ROBO2: variants seen among roughly 807,000 people sequenced by gnomAD.
The protein encoded by ROBO2 is roundabout guidance receptor 2, also known as roundabout homolog 2.
ROBO2 carries 53 observed loss-of-function variants against 160.8 expected under a neutral mutation model. The ratio of observed to expected loss-of-function variants is 0.33; its 90% CI spans 0.26 to 0.41. ROBO2 has a LOEUF of 0.41. Ranked by LOEUF, ROBO2 falls within the 10% of genes least tolerant of loss-of-function variation. ROBO2 has a pLI of 1.00. For missense variants in ROBO2, 1,577 were observed against 1,722.4 expected (o/e 0.92, Z 1.49); for synonymous variants, 664 against 611.7 (o/e 1.09, Z -1.26).
chr3:76,833,715 T>G (rs1272830584), intron 2 of ROBO2, among the ~76,000 whole-genome samples: 1 of 152,152 alleles, frequency 6.6e-6, no homozygotes, highest in Non-Finnish European at 1.5e-5. Context: ...TATTCTATCC[T>G]CTCGTAACTT....
At chr3:77,390,024 G>A (rs4684007) in intron 2 of ROBO2, among the ~76,000 whole-genome samples, 125,488 of 152,144 alleles carry the variant, frequency 0.82, 51,936 homozygotes, top group East Asian at 1. Flanking sequence ...TTAAACAGCA[G>A]CAACCTATGT....
chr3:76,042,662 G>GGCCC (rs1192481055), intron 2 of ROBO2, among the ~76,000 whole-genome samples: 3 of 152,002 alleles, frequency 2.0e-5, no homozygotes, highest in African/African-American at 7.3e-5. Context: ...CCCAAAACCA[G>GGCCC]ACCCAAAACC....
intron 2 of ROBO2, among the ~76,000 whole-genome samples, chr3:77,141,256 T>C (rs2150426626): frequency 6.6e-6 from 1 of 152,158 alleles, no homozygotes; most frequent in South Asian, 2.1e-4. Context: ...CTTTCCTTTA[T>C]ATGCTAAGAT....
At chr3:77,421,912 T>C (rs2077750170) in intron 2 of ROBO2, among the ~76,000 whole-genome samples, 1 of 152,132 alleles carries the variant, frequency 6.6e-6, no homozygotes, top group African/African-American at 2.4e-5. Context: ...GTTATTTCCT[T>C]TTACACATTA....
chr3:76,352,080 C>T (rs2074909913), intron 2 of ROBO2, among the ~76,000 whole-genome samples: 1 of 151,940 alleles, frequency 6.6e-6, no homozygotes, highest in African/African-American at 2.4e-5. Flanking sequence ...AATGGTTATA[C>T]AGAACTTATG....
intron 2 of ROBO2, among the ~76,000 whole-genome samples, chr3:76,454,922 G>C (rs2077674717): frequency 6.6e-6 from 1 of 152,072 alleles, no homozygotes; most frequent in Non-Finnish European, 1.5e-5. Context: ...CAACCTTGAT[G>C]TAACCTTATC....
intron 2 of ROBO2, among the ~76,000 whole-genome samples, chr3:76,267,645 G>T (rs1365360974): frequency 6.6e-6 from 1 of 152,010 alleles, no homozygotes; most frequent in Non-Finnish European, 1.5e-5. Context: ...GATAAGCTTT[G>T]TAAATTAACT....
At chr3:77,020,485 C>T (rs2062560914) in intron 2 of ROBO2, among the ~76,000 whole-genome samples, 1 of 151,966 alleles carries the variant, frequency 6.6e-6, no homozygotes, top group Non-Finnish European at 1.5e-5. Flanking sequence ...ACTAATGAAG[C>T]CATAAAAAAT....
Position 76,138,595 on chromosome 3 carries a change from G to A in ROBO2, c.109+200993G>A, listed in dbSNP as rs898062941. 4.6e-5 allele frequency among the ~76,000 whole-genome samples: 7 copies of A among 152,152 alleles called. No individual in the cohort carries two copies. The South Asian group carries it at 1.5e-3, about 32-fold the overall frequency. On this transcript the variant is annotated intron_variant, in intron 2 of 26. Transcript: ENST00000487694. The stretch of plus-strand genomic sequence containing the variant: ...AAGTGTTCCTTGAAGCTTACATCAT[G>A]CAGTTGAATTTTTTCAATCAAGAGA...
At chr3:76,805,581 T>A (rs2064625614) in intron 2 of ROBO2, among the ~76,000 whole-genome samples, 1 of 152,072 alleles carries the variant, frequency 6.6e-6, no homozygotes, top group East Asian at 1.9e-4. Flanking sequence ...GAGAAATTAA[T>A]TTTAGCCAAT....
intron 5 of ROBO2, among the ~76,000 whole-genome samples, chr3:77,512,979 T>C (rs886215788): frequency 1.3e-5 from 2 of 151,858 alleles, no homozygotes; most frequent in African/African-American, 4.8e-5. Context: ...AGAAATCTTA[T>C]AATAAGAAGT....
intron 2 of ROBO2, among the ~76,000 whole-genome samples, chr3:77,125,650 A>G (rs1455561649): frequency 6.6e-6 from 1 of 152,194 alleles, no homozygotes; most frequent in Non-Finnish European, 1.5e-5. Context: ...TTTCAGCATG[A>G]GGAAATATGA....
At chr3:76,500,199 T>C in intron 2 of ROBO2, among the ~76,000 whole-genome samples, 1 of 152,094 alleles carries the variant, frequency 6.6e-6, no homozygotes, top group Non-Finnish European at 1.5e-5. Flanking sequence ...GCTCACTGCG[T>C]CCTTGACTTC....
intron 2 of ROBO2, among the ~76,000 whole-genome samples, chr3:76,644,962 A>G (rs946137785): frequency 3.2e-4 from 49 of 152,244 alleles, no homozygotes; most frequent in African/African-American, 1.2e-3. Flanking sequence ...GCAAACTGCC[A>G]ATTAAAGAGG....
intron 2 of ROBO2, among the ~76,000 whole-genome samples, chr3:77,272,223 T>A (rs1235080294): frequency 6.6e-6 from 1 of 152,188 alleles, no homozygotes; most frequent in Non-Finnish European, 1.5e-5. Context: ...TCTGTATTAG[T>A]CTGTTCTCAC....
chr3:77,228,945 T>G (rs1400639411), intron 2 of ROBO2, among the ~76,000 whole-genome samples: 1 of 152,204 alleles, frequency 6.6e-6, no homozygotes, highest in Non-Finnish European at 1.5e-5. Flanking sequence ...TTAGGTCTCA[T>G]GCAATTTACC....
At chr3:76,184,046 G>A (rs185127777) in intron 2 of ROBO2, among the ~76,000 whole-genome samples, 1 of 152,224 alleles carries the variant, frequency 6.6e-6, no homozygotes, top group East Asian at 1.9e-4. Flanking sequence ...TCTTTCATTT[G>A]TGTGTGTCCC....
chr3:76,883,752 C>A (rs1289250490), intron 2 of ROBO2, among the ~76,000 whole-genome samples: 1 of 152,132 alleles, frequency 6.6e-6, no homozygotes, highest in Non-Finnish European at 1.5e-5. Flanking sequence ...GCAATGGTTT[C>A]CTAAAACTGG....
intron 2 of ROBO2, among the ~76,000 whole-genome samples, chr3:77,244,410 A>C (rs1224850357): frequency 6.6e-6 from 1 of 152,224 alleles, no homozygotes; most frequent in Non-Finnish European, 1.5e-5. Context: ...AGAGACAAAA[A>C]GATAGGAAAA....
Sources: allele counts gnomAD v4.1 joint callset (sites outside exome capture counted in the v4.1 genomes callset), GRCh38; gene constraint gnomAD v4.1.1; transcripts MANE v1.5; gene names NCBI Gene and HGNC (gene_info 2026-07-23, HGNC 2026-07-21).